The following SYN3 variants were observed in gnomAD, a reference collection of about 807,000 sequenced individuals.
SYN3 encodes synapsin-3.
In SYN3, 35 loss-of-function variants were observed where a neutral mutation model predicts 65.8. The observed-to-expected ratio is 0.53, with a 90% confidence interval of 0.41 to 0.70. The LOEUF is 0.70. Among genes scored for constraint, SYN3 ranks in the 30% least tolerant of loss-of-function variants. The probability of loss-of-function intolerance (pLI) is 0.00; values close to 1 mark genes in which losing one functional copy is unlikely to be tolerated. For missense variants in SYN3, 680 were observed against 749.0 expected, an observed-to-expected ratio of 0.91 and a Z score of 1.08; for synonymous variants, 270 against 292.9, an observed-to-expected ratio of 0.92 and a Z score of 0.80.
chr22:32,803,922 C>CCA, intron 6 of SYN3, among the ~76,000 whole-genome samples: 1 of 152,262 alleles, frequency 6.6e-6, no homozygotes, highest in Non-Finnish European at 1.5e-5. Context: ...TAAAAATTGA[C>CCA]CACGGAAAAG....
At chr22:32,711,002 T>C (rs765710655) in intron 6 of SYN3, among the ~76,000 whole-genome samples, 21 of 152,196 alleles carry the variant, frequency 1.4e-4, no homozygotes, top group Non-Finnish European at 2.6e-4. Flanking sequence ...ATGCCGGAGA[T>C]GCTCTTCACT....
intron 6 of SYN3, among the ~76,000 whole-genome samples, chr22:32,601,422 C>T (rs954999069): frequency 7.9e-5 from 12 of 152,194 alleles, no homozygotes; most frequent in Non-Finnish European, 1.3e-4. Context: ...GGACTACAGG[C>T]GCCCGCCACC....
intron 7 of SYN3, among the ~76,000 whole-genome samples, chr22:32,579,819 C>T (rs2058910174): frequency 6.6e-6 from 1 of 152,170 alleles, no homozygotes; most frequent in Non-Finnish European, 1.5e-5. Flanking sequence ...CTTATCAGTG[C>T]TGGTTCCTTT....
At chr22:32,612,212 G>A (rs1257020331) in intron 6 of SYN3, among the ~76,000 whole-genome samples, 1 of 152,144 alleles carries the variant, frequency 6.6e-6, no homozygotes, top group African/African-American at 2.4e-5. Flanking sequence ...TGAATTATGT[G>A]AGCAGTTATA....
rs141037178 is a variant in SYN3, at chr22:32,805,043, G to A, written c.711+59872C>T. On this transcript the variant is annotated intron_variant, in intron 6 of 13. Transcript: ENST00000358763. ...CGTGTGTGCGTGTGTGTGTGTGTGCGCGTGTGTGGCTTCTGCAAAGGTGGC... is the reference window on the plus strand; with the variant it reads ...CGTGTGTGCGTGTGTGTGTGTGTGCACGTGTGTGGCTTCTGCAAAGGTGGC... Among the ~76,000 whole-genome samples the A allele has an allele frequency of 4.1e-4, 62 of 152,170 alleles. No homozygotes were observed. The East Asian group carries it at 9.3e-3, about 23-fold the overall frequency.
intron 4 of SYN3, among the ~76,000 whole-genome samples, chr22:32,885,844 A>G (rs2049274091): frequency 6.6e-6 from 1 of 152,166 alleles, no homozygotes; most frequent in Non-Finnish European, 1.5e-5. Flanking sequence ...TACAGGCATG[A>G]GCCACTGCAC....
intron 4 of SYN3, among the ~76,000 whole-genome samples, chr22:32,874,445 C>T (rs1002765025): frequency 2.8e-4 from 42 of 152,170 alleles, no homozygotes; most frequent in African/African-American, 8.9e-4. Flanking sequence ...GGACAGGTGA[C>T]GTGTCACAGG....
At chr22:32,554,664 C>T (rs1238031255) in intron 7 of SYN3, among the ~76,000 whole-genome samples, 1 of 152,164 alleles carries the variant, frequency 6.6e-6, no homozygotes, top group Non-Finnish European at 1.5e-5. Flanking sequence ...ACTGTATGGT[C>T]CAACCCTAGC....
chr22:32,916,669 G>A (rs989799092), intron 4 of SYN3, among the ~76,000 whole-genome samples: 5 of 152,142 alleles, frequency 3.3e-5, no homozygotes, highest in South Asian at 2.1e-4. Flanking sequence ...TCACTTAGGC[G>A]AAGCTTGAAA....
At chr22:32,765,604 C>T (rs1346198195) in intron 6 of SYN3, among the ~76,000 whole-genome samples, 2 of 152,148 alleles carry the variant, frequency 1.3e-5, no homozygotes, top group East Asian at 1.9e-4. Flanking sequence ...AAGGAGGGTT[C>T]GCCACAAACG....
chr22:32,546,943 C>CCTCT (rs58646221), intron 7 of SYN3, among the ~76,000 whole-genome samples: 116,160 of 150,822 alleles, frequency 0.77, 45,254 homozygotes, highest in East Asian at 0.91. Flanking sequence ...TCTCCCCTTT[C>CCTCT]CTCTAACACT....
intron 6 of SYN3, among the ~76,000 whole-genome samples, chr22:32,851,280 G>A (rs1227316234): frequency 6.6e-6 from 1 of 152,122 alleles, no homozygotes; most frequent in African/African-American, 2.4e-5. Context: ...GTGGTCAGCA[G>A]AGAGCTGAGA....
chr22:32,773,983 G>A (rs1024761178), intron 6 of SYN3, among the ~76,000 whole-genome samples: 1 of 152,150 alleles, frequency 6.6e-6, no homozygotes, highest in Admixed American at 6.5e-5. Context: ...CAAAGGAAGG[G>A]AGATCCGGGG....
At chr22:32,762,700 T>C (rs184846331) in intron 6 of SYN3, among the ~76,000 whole-genome samples, 68 of 152,270 alleles carry the variant, frequency 4.5e-4, no homozygotes, top group African/African-American at 1.6e-3. Flanking sequence ...CAGAGCGAGG[T>C]GGGGCGGGCG....
intron 6 of SYN3, among the ~76,000 whole-genome samples, chr22:32,765,678 G>A (rs994848941): frequency 1.8e-4 from 28 of 152,122 alleles, no homozygotes; most frequent in Admixed American, 1.4e-3. Flanking sequence ...TGGCAGGAGC[G>A]GGAGGCCTGG....
At chr22:32,807,055 T>G (rs1255853787) in intron 6 of SYN3, among the ~76,000 whole-genome samples, 1 of 151,134 alleles carries the variant, frequency 6.6e-6, no homozygotes, top group Non-Finnish European at 1.5e-5. Context: ...AATATATATA[T>G]AAAACTGTCA....
chr22:32,564,639 G>A (rs556215847), intron 7 of SYN3, among the ~76,000 whole-genome samples: 206 of 149,478 alleles, frequency 1.4e-3, no homozygotes, highest in Non-Finnish European at 2.4e-3. Context: ...CACCCAAACG[G>A]TGCTCCCGGA....
Position 32,864,986 on chromosome 22 carries a change from T to C in SYN3, c.640A>G (p.Ile214Val). 17 of 1,614,076 alleles carry C rather than the reference T, an allele frequency of 1.1e-5. No homozygotes were observed. Among genetic ancestry groups the C allele is most frequent in the Non-Finnish European group, 1.4e-5 (17 of 1,179,938 alleles). ...KPWVFSQLIK[I>V]FHSLGPEKFP... ...TTCTCAGGACCCAGGGAATGGAAGA[T>C]CTTAATGAGCTGAGAGAACTAGGAT... The change falls in exon 6 of 14, where the codon ATC becomes GTC. Residue 214 changes from isoleucine to valine, a missense_variant. Coordinates refer to ENST00000358763, the MANE Select transcript of SYN3 (RefSeq NM_003490.4).
intron 7 of SYN3, among the ~76,000 whole-genome samples, 195 bp downstream of exon 7, chr22:32,596,479 G>A (rs1338375122): frequency 2.6e-5 from 4 of 152,214 alleles, no homozygotes; most frequent in African/African-American, 9.7e-5. Flanking sequence ...GACTGAACTG[G>A]AGAGATGTTC....
Sources: gnomAD v4.1 joint callset for allele counts (sites outside exome capture counted in the v4.1 genomes callset) on GRCh38, gnomAD v4.1.1 for gene constraint, MANE v1.5 for transcripts, NCBI Gene and HGNC (gene_info 2026-07-23, HGNC 2026-07-21) for gene names.